The following GRIK2 variants were observed in gnomAD, a reference collection of about 807,000 sequenced individuals.
The protein encoded by GRIK2 is glutamate ionotropic receptor kainate type subunit 2, also known as glutamate receptor ionotropic, kainate 2.
A neutral mutation model predicts 100.3 loss-of-function variants in GRIK2; 32 were observed. The observed-to-expected ratio is 0.32, with a 90% CI of 0.24 to 0.43. The LOEUF (loss-of-function observed/expected upper bound fraction) is 0.43, where lower values mean the gene tolerates loss of function less well. Among genes scored for constraint, GRIK2 ranks in the 20% least tolerant of loss-of-function variants. GRIK2 has a pLI of 1.00. For missense variants in GRIK2, 843 were observed against 1,114.9 expected, an observed-to-expected ratio of 0.76 and a Z score of 3.47; for synonymous variants, 417 against 389.4, an observed-to-expected ratio of 1.07 and a Z score of -0.83.
At chr6:102,012,940 T>C (rs932913245) in intron 14 of GRIK2, among the ~76,000 whole-genome samples, 1 of 152,148 alleles carries the variant, frequency 6.6e-6, no homozygotes, top group African/African-American at 2.4e-5. Context: ...CCATGTGAAT[T>C]TTAAATTTTG....
At chr6:102,028,076 A>G (rs1237129385) in intron 14 of GRIK2, among the ~76,000 whole-genome samples, 1 of 151,212 alleles carries the variant, frequency 6.6e-6, no homozygotes, top group Non-Finnish European at 1.5e-5. Flanking sequence ...AGACTTGCAA[A>G]GAGCCAAATA....
intron 4 of GRIK2, among the ~76,000 whole-genome samples, chr6:101,659,596 CA>C (rs1769456811): frequency 6.6e-6 from 1 of 152,158 alleles, no homozygotes; most frequent in Non-Finnish European, 1.5e-5. Flanking sequence ...TATGTTCTTG[CA>C]GTAGCTGGTA....
chr6:101,451,369 T>C (rs1770670379), intron 2 of GRIK2, among the ~76,000 whole-genome samples: 2 of 151,796 alleles, frequency 1.3e-5, no homozygotes, highest in African/African-American at 4.8e-5. Context: ...TCAATTATTA[T>C]TTGTATTTAA....
rs151213853 is a variant in GRIK2 at position 101,442,682 on chromosome 6, G to A, written c.115+43290G>A. ...AACTTTTTCTGTGAAGGACCAGCTA[G>A]TAAATATTTACATGATTTCTGTAGC... On this transcript the variant is annotated intron_variant, in intron 2 of 16. Transcript: ENST00000369134. Among the ~76,000 whole-genome samples, 540 of 152,226 alleles carry A rather than the reference G, an allele frequency of 3.5e-3. 3 individuals are homozygous for A. Among genetic ancestry groups the A allele is most frequent in the African/African-American group, 0.012 (509 of 41,532 alleles).
rs533040586 is a variant in GRIK2, at chr6:101,423,996, G to A, written c.115+24604G>A. Among the ~76,000 whole-genome samples, 4 of 152,208 alleles carry A rather than the reference G, an allele frequency of 2.6e-5. No individual in the cohort carries two copies. In the East Asian group the frequency reaches 5.8e-4, roughly 22 times the overall value. On this transcript the variant is annotated intron_variant, in intron 2 of 16. Coordinates refer to ENST00000369134, the MANE Select transcript of GRIK2 (RefSeq NM_021956.5). ...TGGGAGTGGTAAATGTCTACAGCCA[G>A]AGTAAAGATTATAATGATTACTCAT...
At chr6:101,791,656 G>A (rs913178002) in intron 7 of GRIK2, among the ~76,000 whole-genome samples, 24 of 152,030 alleles carry the variant, frequency 1.6e-4, no homozygotes, top group Non-Finnish European at 2.6e-4. Flanking sequence ...AATAGGTGTG[G>A]TGTGGTGCTG....
At chr6:101,535,965 A>G (rs1034230459) in intron 2 of GRIK2, among the ~76,000 whole-genome samples, 12 of 151,732 alleles carry the variant, frequency 7.9e-5, no homozygotes, top group Non-Finnish European at 1.3e-4. Flanking sequence ...AACGTTTTTT[A>G]AAATCTCATT....
intron 2 of GRIK2, among the ~76,000 whole-genome samples, chr6:101,435,367 A>G (rs1438642156): frequency 6.7e-6 from 1 of 148,324 alleles, no homozygotes; most frequent in African/African-American, 2.5e-5. Flanking sequence ...AATTAACTAC[A>G]TTGTGAAGGC....
chr6:101,636,627 A>G (rs1332172453), intron 4 of GRIK2, among the ~76,000 whole-genome samples: 3 of 152,128 alleles, frequency 2.0e-5, no homozygotes, highest in Admixed American at 6.6e-5. Context: ...GAAAGACAAA[A>G]ATCAAATTTT....
At chr6:101,661,762 C>T (rs1006055085) in intron 4 of GRIK2, among the ~76,000 whole-genome samples, 6 of 152,056 alleles carry the variant, frequency 3.9e-5, no homozygotes, top group African/African-American at 9.7e-5. Flanking sequence ...CCGTGTGAGG[C>T]GATGCCCCAC....
At chr6:101,578,449 C>T (rs774035766) in intron 2 of GRIK2, among the ~76,000 whole-genome samples, 8 of 152,064 alleles carry the variant, frequency 5.3e-5, no homozygotes, top group African/African-American at 1.7e-4. Context: ...CACCACAAGC[C>T]GGAAAGCAAC....
intron 7 of GRIK2, among the ~76,000 whole-genome samples, chr6:101,767,252 A>T (rs545070416): frequency 6.6e-6 from 1 of 152,106 alleles, no homozygotes; most frequent in Non-Finnish European, 1.5e-5. Context: ...TAGTTATTTA[A>T]TTTTCTTCCA....
At chr6:101,611,016 C>T (rs513216) in intron 2 of GRIK2, among the ~76,000 whole-genome samples, 61,716 of 151,310 alleles carry the variant, frequency 0.41, 14,147 homozygotes, top group African/African-American at 0.62. Flanking sequence ...TCTCAGTGTG[C>T]AGTGCCTCTA....
chr6:101,951,569 C>T (rs1225655986), intron 14 of GRIK2, among the ~76,000 whole-genome samples: 1 of 152,160 alleles, frequency 6.6e-6, no homozygotes, highest in East Asian at 1.9e-4. Flanking sequence ...TAGCTGTGTT[C>T]CCATCCAAAT....
chr6:101,481,967 G>A (rs2749063), intron 2 of GRIK2, among the ~76,000 whole-genome samples: 62,603 of 151,902 alleles, frequency 0.41, 13,495 homozygotes, highest in Non-Finnish European at 0.47. Flanking sequence ...TGCCCTGTGA[G>A]GAAGATTCCT....
chr6:101,603,633 A>G (rs144049550), intron 2 of GRIK2, among the ~76,000 whole-genome samples: 323 of 151,946 alleles, frequency 2.1e-3, no homozygotes, highest in Middle Eastern at 6.8e-3. Flanking sequence ...AAAATAACTC[A>G]TGAATGAATT....
chr6:101,976,806 T>TAA (rs59638071), intron 14 of GRIK2, among the ~76,000 whole-genome samples: 2,349 of 144,450 alleles, frequency 0.016, 66 homozygotes, highest in African/African-American at 0.056. Flanking sequence ...TTTCATTGTT[T>TAA]AAAAAAAAAA....
intron 7 of GRIK2, among the ~76,000 whole-genome samples, chr6:101,719,264 A>G (rs1774301882): frequency 6.7e-6 from 1 of 149,592 alleles, no homozygotes; most frequent in Admixed American, 6.8e-5. Flanking sequence ...GAAAGTAGCA[A>G]GCACATTTTC....
rs1463581607 is a variant in GRIK2, at chr6:101,915,461, C to G, written c.1749-9140C>G. 1.1e-4 allele frequency among the ~76,000 whole-genome samples: 17 copies of G among 151,428 alleles called. No individual in the cohort carries two copies. In the Admixed American group the frequency reaches 1.1e-3, roughly 10 times the overall value. ...ACTTGCTGAATATAAGAAGATCACA[C>G]AGTTTCACAGGATAATTTGGTATGT... On this transcript the variant is annotated intron_variant, in intron 12 of 16. Transcript: ENST00000369134.
Sources: allele counts gnomAD v4.1 joint callset (sites outside exome capture counted in the v4.1 genomes callset), GRCh38; gene constraint gnomAD v4.1.1; transcripts MANE v1.5; gene names NCBI Gene and HGNC (gene_info 2026-07-23, HGNC 2026-07-21).